Variants in FER observed in about 807,000 individuals in gnomAD.
The protein encoded by FER is tyrosine-protein kinase Fer.
In FER, 63 loss-of-function variants were observed where a neutral mutation model predicts 111.0. The observed-to-expected ratio is 0.57, with a 90% confidence interval of 0.46 to 0.70. FER has a LOEUF of 0.70. Ranked by LOEUF, FER falls within the 30% of genes least tolerant of loss-of-function variation. FER has a pLI of 0.00. For synonymous variants in FER, 327 were observed against 313.9 expected (o/e 1.04, Z -0.44); for missense variants, 914 against 954.0 (o/e 0.96, Z 0.55).
intron 2 of FER, among the ~76,000 whole-genome samples, chr5:108,778,761 T>A (rs1753752152): frequency 6.6e-6 from 1 of 152,218 alleles, no homozygotes; most frequent in Admixed American, 6.5e-5. Context: ...CAGTTTGTGG[T>A]TTATCTTTTC....
intron 13 of FER, among the ~76,000 whole-genome samples, chr5:109,030,042 A>C (rs1321317302): frequency 6.6e-6 from 1 of 152,082 alleles, no homozygotes; most frequent in Admixed American, 6.6e-5. Context: ...CAAATTGGGT[A>C]ATCTATTGAT....
chr5:108,908,225 C>T (rs1017727483), intron 10 of FER, among the ~76,000 whole-genome samples: 15 of 151,976 alleles, frequency 9.9e-5, no homozygotes, highest in African/African-American at 2.2e-4. Flanking sequence ...ATTTAATTAC[C>T]GGAAAAAGGA....
At chr5:108,834,329 T>C (rs980917620) in intron 4 of FER, among the ~76,000 whole-genome samples, 2 of 152,224 alleles carry the variant, frequency 1.3e-5, no homozygotes, top group African/African-American at 4.8e-5. Context: ...AGGAGGTATA[T>C]AATGTTGATT....
intron 2 of FER, among the ~76,000 whole-genome samples, chr5:108,779,348 T>C (rs761582499): frequency 8.5e-5 from 13 of 152,206 alleles, no homozygotes; most frequent in Non-Finnish European, 1.5e-4. Flanking sequence ...AGATTTTGAT[T>C]GGGATTAAAT....
At chr5:109,027,978 A>G (rs1392034681) in intron 13 of FER, among the ~76,000 whole-genome samples, 1 of 152,182 alleles carries the variant, frequency 6.6e-6, no homozygotes, top group East Asian at 1.9e-4. Context: ...ATTAATGACA[A>G]TTTTGTTGAA....
chr5:108,760,401 C>T (rs1268032218), intron 1 of FER, among the ~76,000 whole-genome samples: 1 of 152,182 alleles, frequency 6.6e-6, no homozygotes, highest in Non-Finnish European at 1.5e-5. Flanking sequence ...TCCTTTGAAG[C>T]TTTGAAGTCA....
intron 2 of FER, among the ~76,000 whole-genome samples, chr5:108,793,515 G>A (rs577004880): frequency 3.1e-5 from 4 of 128,932 alleles, no homozygotes; most frequent in Non-Finnish European, 5.0e-5. Flanking sequence ...TTTTTTTGGC[G>A]GGGCGGGGGG....
intron 10 of FER, among the ~76,000 whole-genome samples, chr5:108,933,866 G>C (rs1581265850): frequency 6.6e-6 from 1 of 152,026 alleles, no homozygotes; most frequent in South Asian, 2.1e-4. Flanking sequence ...CTCTGTAGCA[G>C]TTTTGAATGG....
chr5:108,975,631 A>G (rs1761235141), intron 13 of FER, among the ~76,000 whole-genome samples: 1 of 151,984 alleles, frequency 6.6e-6, no homozygotes, highest in African/African-American at 2.4e-5. Flanking sequence ...TCTACGGATA[A>G]TTATGGCTTC....
intron 6 of FER, among the ~76,000 whole-genome samples, chr5:108,868,504 A>C (rs1250661276): frequency 6.6e-6 from 1 of 152,144 alleles, no homozygotes; most frequent in Non-Finnish European, 1.5e-5. Flanking sequence ...TTTATCACAC[A>C]CACTGATACA....
chr5:109,124,415 T>A (rs1167839865), intron 17 of FER, among the ~76,000 whole-genome samples: 5 of 152,216 alleles, frequency 3.3e-5, no homozygotes, highest in African/African-American at 1.2e-4. Context: ...CGTGTACTTG[T>A]GAGATGGAAG....
At chr5:108,853,058 T>A (rs1452174300) in intron 5 of FER, among the ~76,000 whole-genome samples, 1 of 152,180 alleles carries the variant, frequency 6.6e-6, no homozygotes, top group African/African-American at 2.4e-5. Context: ...TTCTATATTT[T>A]ATCGGTAAGC....
chr5:108,982,957 A>ATGTT (rs1297144352), intron 13 of FER, among the ~76,000 whole-genome samples: 1 of 152,082 alleles, frequency 6.6e-6, no homozygotes, highest in African/African-American at 2.4e-5. Flanking sequence ...CATACTAAAT[A>ATGTT]TGTTAACCGT....
chr5:109,085,701 C>T (rs1777489692), intron 16 of FER, among the ~76,000 whole-genome samples: 1 of 151,548 alleles, frequency 6.6e-6, no homozygotes. Flanking sequence ...ATAGGTGTTC[C>T]TTTTAGGACC....
chr5:108,842,140 AAAG>A (rs1561496930), intron 5 of FER: 1 of 173,110 alleles, frequency 5.8e-6, no homozygotes, highest in Non-Finnish European at 1.2e-5. Flanking sequence ...AAAATTATCT[AAAG>A]AATAGGGAGT....
chr5:109,118,692 T>C (rs893771743), intron 17 of FER, among the ~76,000 whole-genome samples: 5 of 152,190 alleles, frequency 3.3e-5, no homozygotes, highest in Non-Finnish European at 5.9e-5. Flanking sequence ...GAGCCTGTTA[T>C]TGGTCTATTC....
At chr5:108,790,857 A>G (rs190008888) in intron 2 of FER, among the ~76,000 whole-genome samples, 1 of 152,242 alleles carries the variant, frequency 6.6e-6, no homozygotes, top group Admixed American at 6.5e-5. Context: ...TCTAGTTTAT[A>G]GATTTGCCCA....
chr5:108,860,116 A>AT (rs1202299474), intron 5 of FER, among the ~76,000 whole-genome samples: 1 of 151,426 alleles, frequency 6.6e-6, no homozygotes, highest in East Asian at 1.9e-4. Context: ...TAATTTTTGT[A>AT]TTTTTTAAGA....
chr5:108,881,721 T>A lies in FER; in HGVS notation c.924-1675T>A, dbSNP rs189520520. On this transcript the variant is annotated intron_variant, in intron 8 of 19. Transcript: ENST00000281092. ...GCTGTGTCCTCAGATGACCCTTTCT[T>A]TGCATACATGAGGAGAGGGAGAGGA... Among the ~76,000 whole-genome samples, 303 of 152,198 alleles carry A rather than the reference T, an allele frequency of 2.0e-3. 1 individual carries two copies. Among genetic ancestry groups the A allele is most frequent in the Admixed American group, 4.8e-3 (74 of 15,266 alleles).
Sources: allele counts gnomAD v4.1 joint callset (sites outside exome capture counted in the v4.1 genomes callset), GRCh38; gene constraint gnomAD v4.1.1; transcripts MANE v1.5; gene names NCBI Gene and HGNC (gene_info 2026-07-23, HGNC 2026-07-21).